Variants in DNAJC16 observed in about 807,000 individuals in gnomAD.
DNAJC16 encodes the protein dnaJ homolog subfamily C member 16.
In DNAJC16, 76 loss-of-function variants were observed where a neutral mutation model predicts 92.7. That is an observed-to-expected ratio of 0.82 (90% confidence interval 0.68 to 0.99). DNAJC16 has a LOEUF of 0.99. Ranked by LOEUF, DNAJC16 falls within the 50% of genes least tolerant of loss-of-function variation. DNAJC16 has a pLI of 0.00. For missense variants in DNAJC16, 869 were observed against 942.4 expected, an observed-to-expected ratio of 0.92 and a Z score of 1.02; for synonymous variants, 328 against 358.7, an observed-to-expected ratio of 0.91 and a Z score of 0.97.
In DNAJC16 at chr1:15,568,094, A is replaced by G; in HGVS notation, c.2266A>G (p.Ser756Gly). 1 of 1,614,180 alleles carries G rather than the reference A, an allele frequency of 6.2e-7. No homozygotes were observed. The highest frequency in any genetic ancestry group is 8.5e-7 in the Non-Finnish European group (1 of 1,180,034). Residue 756 changes from serine (S) to glycine (G), a missense_variant, in exon 15 of 15, where the codon AGC becomes GGC. By Grantham distance (56) the Ser-to-Gly change is moderately conservative. Coordinates refer to ENST00000375847, the MANE Select transcript of DNAJC16 (RefSeq NM_015291.4). ...ATCCAGGCCCATCAAAGGAAAGTTG[A>G]GCAAGCTCTCTTTATGGATGGAACG... ...LGSRPIKGKL[S>G]KLSLWMERLL...
At chr1:15,561,600 G>A (rs1252287530) in intron 8 of DNAJC16, among the ~76,000 whole-genome samples, 2 of 152,138 alleles carry the variant, frequency 1.3e-5, no homozygotes, top group East Asian at 3.9e-4. Context: ...CAGGAGAATG[G>A]TTTGAACTCA....
At chr1:15,534,617 C>T (rs1012241578) in intron 3 of DNAJC16, among the ~76,000 whole-genome samples, 4 of 152,080 alleles carry the variant, frequency 2.6e-5, no homozygotes, top group South Asian at 2.1e-4. Flanking sequence ...CCCAGCTACT[C>T]AGGAGGCTTA....
At position 15,568,805 on chromosome 1, in the gene DNAJC16, T is replaced by C. The variant is rs1638878529; in HGVS notation, c.*628T>C. 2 of 398,074 alleles carry C rather than the reference T, an allele frequency of 5.0e-6. No homozygotes were observed. The highest frequency in any genetic ancestry group is 4.1e-5 in the African/African-American group (2 of 48,636). 24.7% of individuals were successfully genotyped at this position (398,074 alleles called of 1,614,324 possible). On this transcript the variant is annotated 3_prime_UTR_variant, in exon 15 of 15. Transcript: ENST00000375847. ...GAAAAGGAAAGGAATAAACGGGAGT[T>C]CTGCATGTGAGTTCTCAAGAAAAGG...
At chr1:15,563,886 T>C in intron 9 of DNAJC16, 43 bp from the exon 10 acceptor site, 1 of 1,512,096 alleles carries the variant, frequency 6.6e-7, no homozygotes, top group East Asian at 2.3e-5. Flanking sequence ...AACTTAACCA[T>C]GCTTTTGAAA....
intron 9 of DNAJC16, among the ~76,000 whole-genome samples, 167 bp downstream of exon 9, chr1:15,562,492 T>A (rs1198475132): frequency 6.6e-6 from 1 of 151,804 alleles, no homozygotes; most frequent in Non-Finnish European, 1.5e-5. Flanking sequence ...TGATTTTTTT[T>A]TTTTTCTTTT....
rs556840706 is a variant in DNAJC16 at position 15,567,871 on chromosome 1, C to T, written c.2043C>T (p.Ile681=). The change falls in exon 15 of 15, where the codon ATC becomes ATT. Residue 681 remains isoleucine (I), a synonymous_variant. Coordinates refer to ENST00000375847, the MANE Select transcript of DNAJC16 (RefSeq NM_015291.4). Reference sequence around the variant, plus strand: ...AATTTGCTCAAGATGCAGCTCCAATCCCAAACCAATATGATAAGCATTTCA... The same window carrying T: ...AATTTGCTCAAGATGCAGCTCCAATTCCAAACCAATATGATAAGCATTTCA... The part of the protein sequence containing the change: ...LLEFAQDAAP[I]PNQYDKHFME... 1 of 1,614,204 alleles carries T rather than the reference C, an allele frequency of 6.2e-7. No individual in the cohort carries two copies. The highest frequency in any genetic ancestry group is 1.1e-5 in the South Asian group (1 of 91,088).
chr1:15,544,725 T>A, intron 5 of DNAJC16, 142 bp downstream of exon 5: 1 of 766,478 alleles, frequency 1.3e-6, no homozygotes, highest in Non-Finnish European at 2.1e-6. Flanking sequence ...ATTAATTAAT[T>A]ACTCAAACTA....
intron 2 of DNAJC16, among the ~76,000 whole-genome samples, chr1:15,533,793 C>T (rs1710716652): frequency 6.6e-6 from 1 of 152,190 alleles, no homozygotes; most frequent in African/African-American, 2.4e-5. Flanking sequence ...AGCTATTTCT[C>T]ATGTCTACCT....
At chr1:15,558,727 C>G (rs910325338) in intron 7 of DNAJC16, among the ~76,000 whole-genome samples, 1 of 152,122 alleles carries the variant, frequency 6.6e-6, no homozygotes, top group Admixed American at 6.5e-5. Flanking sequence ...GTCAGAATAC[C>G]TGCTGTCAAT....
rs752752887 is a variant in DNAJC16 at position 15,571,124 on chromosome 1, T to C, written c.*2947T>C. ...GTGGGTGAGGCTGCCCTAACTTCCA[T>C]TAGGGGCCATGGTCTCACTGCCATC... is the stretch of plus-strand genomic sequence containing the variant. On this transcript the variant is annotated 3_prime_UTR_variant, in exon 15 of 15. Coordinates refer to ENST00000375847, the MANE Select transcript of DNAJC16 (RefSeq NM_015291.4). 16 of 152,166 alleles carry C rather than the reference T, an allele frequency of 1.1e-4. No individual in the cohort carries two copies. The highest frequency in any genetic ancestry group is 2.1e-4 in the Non-Finnish European group (14 of 68,028). The allele number at this position is 152,166 out of a possible 1,614,324, so 9.4% of individuals were successfully genotyped here.
At chr1:15,534,388 A>G in intron 3 of DNAJC16, 85 bp downstream of exon 3, 2 of 1,407,286 alleles carry the variant, frequency 1.4e-6, no homozygotes, top group Non-Finnish European at 2.0e-6. Flanking sequence ...GTTGTCAGAA[A>G]GGTCATGTTC....
At chr1:15,564,459 C>CT (rs1379062473) in intron 11 of DNAJC16, 100 bp downstream of exon 11, 3 of 806,800 alleles carry the variant, frequency 3.7e-6, no homozygotes, top group Non-Finnish European at 6.5e-6. Flanking sequence ...TCAAGGTACA[C>CT]TTGATGGGGC....
intron 4 of DNAJC16, among the ~76,000 whole-genome samples, chr1:15,537,747 T>C (rs11577225): frequency 0.29 from 43,860 of 152,028 alleles, 7,451 homozygotes; most frequent in African/African-American, 0.47. Flanking sequence ...TATTATTATC[T>C]CTATTTTACA....
In DNAJC16 at chr1:15,562,322, A is replaced by G. The variant is rs776132913; in HGVS notation, c.1335A>G (p.Ser445=). ...LPDSEAFQGK[S]AVSILERRNT... is the part of the protein sequence containing the mutation. ...ACAGTGAGGCGTTTCAAGGGAAATCAGCGGTAAGCCACAGAGTCTCTCCTC... is the reference window on the plus strand; with the variant it reads ...ACAGTGAGGCGTTTCAAGGGAAATCGGCGGTAAGCCACAGAGTCTCTCCTC... Residue 445 remains serine (S), a synonymous_variant, in exon 9 of 15, where the codon TCA becomes TCG. Coordinates refer to ENST00000375847, the MANE Select transcript of DNAJC16 (RefSeq NM_015291.4). The G allele has an allele frequency of 9.9e-6, 16 of 1,612,474 alleles. No individual in the cohort carries two copies. Among genetic ancestry groups the G allele is most frequent in the Admixed American group, 1.7e-5 (1 of 59,950 alleles).
At chr1:15,538,050 A>T (rs758046156) in intron 4 of DNAJC16, among the ~76,000 whole-genome samples, 1 of 152,150 alleles carries the variant, frequency 6.6e-6, no homozygotes, top group Non-Finnish European at 1.5e-5. Context: ...AATTTGGATG[A>T]TCAGGCAGTG....
Position 15,568,978 on chromosome 1 carries a change from C to T in DNAJC16, c.*801C>T. On this transcript the variant is annotated 3_prime_UTR_variant, in exon 15 of 15. Coordinates refer to ENST00000375847, the MANE Select transcript of DNAJC16 (RefSeq NM_015291.4). Reference sequence around the variant, plus strand: ...GACTTTGAGCCGTTGACATGTATGTCTTCAGATGCCTTTCTGCCTCTGTCG... The same window carrying T: ...GACTTTGAGCCGTTGACATGTATGTTTTCAGATGCCTTTCTGCCTCTGTCG... The T allele has an allele frequency of 3.0e-6, 1 of 331,068 alleles. No homozygotes were observed. The highest frequency in any genetic ancestry group is 4.6e-5 in the East Asian group (1 of 21,680). The allele number at this position is 331,068 out of a possible 1,614,324, so 20.5% of individuals were successfully genotyped here. A position where few individuals can be genotyped will look rare whatever the true frequency, so the allele number is the denominator to read the frequency against.
intron 4 of DNAJC16, chr1:15,542,451 A>G (rs775344339): frequency 6.6e-6 from 1 of 152,296 alleles, no homozygotes; most frequent in Non-Finnish European, 1.5e-5. Context: ...ATACCTTACC[A>G]TGTACCTCTC....
chr1:15,543,337 C>T (rs184211016), intron 4 of DNAJC16, among the ~76,000 whole-genome samples: 107 of 152,316 alleles, frequency 7.0e-4, no homozygotes, highest in Non-Finnish European at 9.3e-4. Context: ...AAGTCAGCTA[C>T]GCAGAAGTCA....
Position 15,562,046 on chromosome 1 carries a change from G to A in DNAJC16, c.1155-96G>A, listed in dbSNP as rs1340473195. The A allele has an allele frequency of 5.3e-6, 7 of 1,310,810 alleles. No homozygotes were observed. The African/African-American group carries it at 1.0e-4, about 19-fold the overall frequency. 81.2% of individuals were successfully genotyped at this position (1,310,810 alleles called of 1,614,324 possible). ...GGGCACAGTGTATTCACTTCCATAA[G>A]ATGAGCTCCTCGTCTTCTTCACCTT... On this transcript the variant is annotated intron_variant, in intron 8 of 14. Transcript: ENST00000375847.
Sources: gnomAD v4.1 joint callset for allele counts (sites outside exome capture counted in the v4.1 genomes callset) on GRCh38, gnomAD v4.1.1 for gene constraint, MANE v1.5 for transcripts, NCBI Gene and HGNC (gene_info 2026-07-23, HGNC 2026-07-21) for gene names.